CACNA1E: variants seen among roughly 807,000 people sequenced by gnomAD.
CACNA1E encodes the protein voltage-dependent R-type calcium channel subunit alpha-1E.
In CACNA1E, 40 loss-of-function variants were observed where a neutral mutation model predicts 259.2. The observed-to-expected ratio is 0.15, with a 90% CI of 0.12 to 0.20. CACNA1E has a LOEUF of 0.20. CACNA1E is among the 10% of genes least tolerant of loss of function. The pLI is 1.00. For missense variants in CACNA1E, 1,874 were observed against 3,040.1 expected, an observed-to-expected ratio of 0.62 and a Z score of 9.02; for synonymous variants, 1,104 against 1,138.5, an observed-to-expected ratio of 0.97 and a Z score of 0.61.
intron 1 of CACNA1E, among the ~76,000 whole-genome samples, chr1:181,325,194 G>A (rs934043251): frequency 6.6e-6 from 1 of 152,192 alleles, no homozygotes; most frequent in Middle Eastern, 3.2e-3. Flanking sequence ...GTTCAAACAC[G>A]GAGGTGTGAA....
At chr1:181,538,595 C>T (rs1200951640) in intron 3 of CACNA1E, among the ~76,000 whole-genome samples, 1 of 152,150 alleles carries the variant, frequency 6.6e-6, no homozygotes, top group Non-Finnish European at 1.5e-5. Context: ...AATTGCAATA[C>T]ATCACCGCAC....
intron 1 of CACNA1E, among the ~76,000 whole-genome samples, chr1:181,401,577 T>C (rs2102086267): frequency 6.6e-6 from 1 of 152,300 alleles, no homozygotes; most frequent in East Asian, 1.9e-4. Flanking sequence ...GGAGATTGGC[T>C]AGTAAGGCTT....
intron 12 of CACNA1E, among the ~76,000 whole-genome samples, chr1:181,719,013 CT>C (rs1057324766): frequency 6.6e-6 from 1 of 152,206 alleles, no homozygotes; most frequent in Non-Finnish European, 1.5e-5. Flanking sequence ...ATTTTGAACA[CT>C]TGCTAATCTA....
rs2293993 is a variant in CACNA1E at position 181,752,498 on chromosome 1, A to C, written c.3828+259A>C. On this transcript the variant is annotated intron_variant, in intron 27 of 47. Transcript: ENST00000367573. ...TTCTCTCCGGTGTGATATGTCATCC[A>C]AGAGGGAATCCTGTGTGGCTTTGTC... 8.8e-4 allele frequency among the ~76,000 whole-genome samples: 134 copies of C among 152,314 alleles called. 3 individuals are homozygous for C. In the East Asian group the frequency reaches 0.019, roughly 22 times the overall value.
At chr1:181,323,424 C>T (rs150137685) in intron 1 of CACNA1E, among the ~76,000 whole-genome samples, 1 of 152,266 alleles carries the variant, frequency 6.6e-6, no homozygotes, top group African/African-American at 2.4e-5. Context: ...AATACACAGG[C>T]ACAGAACTGT....
At chr1:181,740,437 G>A (rs113350418) in intron 25 of CACNA1E, among the ~76,000 whole-genome samples, 1 of 151,800 alleles carries the variant, frequency 6.6e-6, no homozygotes, top group Admixed American at 6.6e-5. Context: ...TTCAAGCACT[G>A]TCAGCTGCTG....
At chr1:181,540,592 A>G (rs1295045266) in intron 3 of CACNA1E, among the ~76,000 whole-genome samples, 1 of 152,184 alleles carries the variant, frequency 6.6e-6, no homozygotes, top group Non-Finnish European at 1.5e-5. Context: ...TCTTCCCCTG[A>G]AAGAGCTCAT....
chr1:181,771,751 G>T, intron 36 of CACNA1E: 1 of 471,072 alleles, frequency 2.1e-6, no homozygotes, highest in Non-Finnish European at 3.8e-6. Context: ...TCAGGACAGT[G>T]TTTGCAGACC....
At chr1:181,439,112 T>C (rs1420175294) in intron 2 of CACNA1E, among the ~76,000 whole-genome samples, 1 of 152,224 alleles carries the variant, frequency 6.6e-6, no homozygotes, top group Non-Finnish European at 1.5e-5. Context: ...TACCAAACTT[T>C]TCCTATTTGA....
intron 2 of CACNA1E, among the ~76,000 whole-genome samples, chr1:181,453,511 G>A (rs1049796744): frequency 6.6e-6 from 1 of 152,210 alleles, no homozygotes; most frequent in East Asian, 1.9e-4. Context: ...AGTAATACAA[G>A]GAGGAGGCAG....
chr1:181,541,252 A>T (rs1464718613), intron 3 of CACNA1E, among the ~76,000 whole-genome samples: 1 of 152,216 alleles, frequency 6.6e-6, no homozygotes, highest in Non-Finnish European at 1.5e-5. Flanking sequence ...AAGATTTAAC[A>T]GGTTTTTAGG....
chr1:181,447,536 GA>G (rs58207856), intron 2 of CACNA1E, among the ~76,000 whole-genome samples: 63,198 of 139,092 alleles, frequency 0.45, 14,434 homozygotes, highest in African/African-American at 0.64. Flanking sequence ...CTCTTAAAAA[GA>G]AAAAAAAAAA....
intron 6 of CACNA1E, among the ~76,000 whole-genome samples, chr1:181,601,535 C>A (rs1653748936): frequency 1.3e-5 from 2 of 152,148 alleles, no homozygotes; most frequent in Admixed American, 6.5e-5. Context: ...TTCTAGCTAC[C>A]AAGTCTTGGA....
At chr1:181,363,829 G>T (rs191480317) in intron 1 of CACNA1E, among the ~76,000 whole-genome samples, 41 of 152,314 alleles carry the variant, frequency 2.7e-4, no homozygotes, top group Admixed American at 1.4e-3. Flanking sequence ...GCATGGAAGT[G>T]GTGAGAGAGC....
intron 13 of CACNA1E, 95 bp downstream of exon 13, chr1:181,719,958 G>C: frequency 1.2e-6 from 1 of 817,600 alleles, no homozygotes; most frequent in Non-Finnish European, 1.9e-6. Context: ...TCCCCCTTAG[G>C]GGGAAAGTAT....
chr1:181,411,702 C>G (rs548844990), intron 1 of CACNA1E, among the ~76,000 whole-genome samples: 1 of 152,174 alleles, frequency 6.6e-6, no homozygotes, highest in Non-Finnish European at 1.5e-5. Context: ...CTCTGCCCAC[C>G]GGGTTCAAGC....
intron 16 of CACNA1E, among the ~76,000 whole-genome samples, chr1:181,722,587 T>TA (rs1384392044): frequency 6.6e-6 from 1 of 152,222 alleles, no homozygotes; most frequent in African/African-American, 2.4e-5. Context: ...TTCTATTTTT[T>TA]ACAACTGAAA....
At chr1:181,584,407 C>T (rs953102821) in intron 6 of CACNA1E, among the ~76,000 whole-genome samples, 4 of 152,180 alleles carry the variant, frequency 2.6e-5, no homozygotes, top group Admixed American at 6.5e-5. Flanking sequence ...GTTTTATGGA[C>T]TTCATTGGCT....
intron 1 of CACNA1E, among the ~76,000 whole-genome samples, chr1:181,342,873 G>A (rs1652276947): frequency 6.6e-6 from 1 of 152,126 alleles, no homozygotes; most frequent in South Asian, 2.1e-4. Context: ...GTTTTGTTTT[G>A]TACACTTTCC....
Sources: gnomAD v4.1 joint callset for allele counts (sites outside exome capture counted in the v4.1 genomes callset) on GRCh38, gnomAD v4.1.1 for gene constraint, MANE v1.5 for transcripts, NCBI Gene and HGNC (gene_info 2026-07-23, HGNC 2026-07-21) for gene names.